ADAMTS12: variants seen among roughly 807,000 people sequenced by gnomAD.
ADAMTS12 encodes the protein ADAM metallopeptidase with thrombospondin type 1 motif 12, also known as A disintegrin and metalloproteinase with thrombospondin motifs 12.
In ADAMTS12, 118 loss-of-function variants were observed where a neutral mutation model predicts 167.8. That is an observed-to-expected ratio of 0.70 (90% CI 0.61 to 0.82). The LOEUF is 0.82. ADAMTS12 is among the 40% of genes least tolerant of loss of function. The pLI is 0.00. For synonymous variants in ADAMTS12, 704 were observed against 716.9 expected (o/e 0.98, Z 0.29); for missense variants, 1,916 against 1,998.8 (o/e 0.96, Z 0.79).
chr5:33,869,277 G>A (rs1749947627), intron 2 of ADAMTS12, among the ~76,000 whole-genome samples: 1 of 152,210 alleles, frequency 6.6e-6, no homozygotes, highest in African/African-American at 2.4e-5. Flanking sequence ...GTAAGCCTCA[G>A]TGGCTTCCAC....
At chr5:33,595,400 T>A (rs1261199775) in intron 17 of ADAMTS12, among the ~76,000 whole-genome samples, 5 of 152,126 alleles carry the variant, frequency 3.3e-5, no homozygotes, top group Non-Finnish European at 5.9e-5. Context: ...AGCATCTAAG[T>A]AAACACAGGC....
At chr5:33,873,081 A>C (rs1234788956) in intron 2 of ADAMTS12, among the ~76,000 whole-genome samples, 1 of 152,104 alleles carries the variant, frequency 6.6e-6, no homozygotes, top group Admixed American at 6.5e-5. Flanking sequence ...TAGTACAATA[A>C]AACAAGAAAA....
intron 22 of ADAMTS12, among the ~76,000 whole-genome samples, chr5:33,537,769 A>G (rs1744488546): frequency 6.6e-6 from 1 of 152,222 alleles, no homozygotes; most frequent in South Asian, 2.1e-4. Flanking sequence ...ATTAGAGTGG[A>G]TCAATGGCTG....
chr5:33,839,188 G>T (rs1314155548), intron 2 of ADAMTS12, among the ~76,000 whole-genome samples: 5 of 152,176 alleles, frequency 3.3e-5, no homozygotes, highest in African/African-American at 1.2e-4. Flanking sequence ...TTTTAGAAAG[G>T]CACTTAACAT....
intron 2 of ADAMTS12, among the ~76,000 whole-genome samples, chr5:33,783,603 G>C (rs1175623158): frequency 6.6e-6 from 1 of 151,868 alleles, no homozygotes; most frequent in Admixed American, 6.6e-5. Flanking sequence ...CTGTAATTCT[G>C]TGCCAACAAA....
intron 2 of ADAMTS12, among the ~76,000 whole-genome samples, chr5:33,831,982 A>T (rs762464628): frequency 2.0e-5 from 3 of 152,208 alleles, no homozygotes; most frequent in Non-Finnish European, 4.4e-5. Flanking sequence ...CAGGATTCAC[A>T]GGGTCCCTGC....
chr5:33,673,843 T>C (rs897269448), intron 5 of ADAMTS12, among the ~76,000 whole-genome samples: 10 of 150,908 alleles, frequency 6.6e-5, no homozygotes, highest in Non-Finnish European at 1.3e-4. Flanking sequence ...TCCCTCTTCC[T>C]AGATTGTCTT....
intron 2 of ADAMTS12, among the ~76,000 whole-genome samples, chr5:33,801,884 G>A (rs902727298): frequency 6.6e-6 from 1 of 152,212 alleles, no homozygotes; most frequent in African/African-American, 2.4e-5. Context: ...AGCTTTCAGT[G>A]GAAGATTGCT....
intron 2 of ADAMTS12, among the ~76,000 whole-genome samples, chr5:33,845,121 A>G (rs902717781): frequency 2.0e-5 from 3 of 152,250 alleles, no homozygotes; most frequent in Non-Finnish European, 4.4e-5. Context: ...TAGAGCTGCA[A>G]GCAGGTATTG....
chr5:33,842,609 AG>A (rs1748785239), intron 2 of ADAMTS12, among the ~76,000 whole-genome samples: 1 of 152,238 alleles, frequency 6.6e-6, no homozygotes, highest in African/African-American at 2.4e-5. Context: ...GTGCTGCATA[AG>A]GAACTATTGA....
chr5:33,676,111 C>T (rs935552073), intron 5 of ADAMTS12, among the ~76,000 whole-genome samples: 16 of 152,218 alleles, frequency 1.1e-4, no homozygotes, highest in African/African-American at 3.4e-4. Flanking sequence ...TTTCCACTTC[C>T]CCTTTTCTAT....
At chr5:33,866,623 G>C (rs905152029) in intron 2 of ADAMTS12, among the ~76,000 whole-genome samples, 1 of 152,100 alleles carries the variant, frequency 6.6e-6, no homozygotes, top group African/African-American at 2.4e-5. Flanking sequence ...AATGGCTTCT[G>C]CATAGCAAAA....
At position 33,707,031 on chromosome 5, in the gene ADAMTS12, A is replaced by G. The variant is rs931728470; in HGVS notation, c.635-22976T>C. 4.6e-5 allele frequency among the ~76,000 whole-genome samples: 7 copies of G among 152,304 alleles called. No individual in the cohort carries two copies. In the South Asian group the frequency reaches 1.5e-3, roughly 32 times the overall value. Reference sequence around the variant, plus strand: ...GTCAAATTGTCTCTGTTTGTGGATGACATGATTGGATATTTAGAAAACCCC... The same window carrying G: ...GTCAAATTGTCTCTGTTTGTGGATGGCATGATTGGATATTTAGAAAACCCC... On this transcript the variant is annotated intron_variant, in intron 3 of 23. Transcript: ENST00000504830.
chr5:33,670,626 C>T (rs1276584750), intron 5 of ADAMTS12, among the ~76,000 whole-genome samples: 1 of 152,136 alleles, frequency 6.6e-6, no homozygotes, highest in African/African-American at 2.4e-5. Context: ...TCTGTAATCC[C>T]AGCTACTCAG....
intron 19 of ADAMTS12, among the ~76,000 whole-genome samples, chr5:33,567,360 T>A (rs1242612724): frequency 6.6e-6 from 1 of 152,226 alleles, no homozygotes; most frequent in Non-Finnish European, 1.5e-5. Context: ...AGCTTCCACT[T>A]CTACCACTTG....
At chr5:33,870,760 TAGTG>T (rs1304153288) in intron 2 of ADAMTS12, among the ~76,000 whole-genome samples, 3 of 152,158 alleles carry the variant, frequency 2.0e-5, no homozygotes, top group Non-Finnish European at 4.4e-5. Context: ...GTTCTTGTGA[TAGTG>T]AGTGAGTTCT....
chr5:33,576,845 C>A lies in ADAMTS12; in HGVS notation c.3181G>T (p.Asp1061Tyr), dbSNP rs1389852075. Reference protein sequence around the residue: ...PSPTTASKEGDLGGKQWQDSS... With the variant: ...PSPTTASKEGYLGGKQWQDSS... The stretch of plus-strand genomic sequence containing the variant: ...TCTTGCCACTGTTTCCCACCCAGGT[C>A]TCCTTCTTTGGAGGCTGTGGTAGGA... Residue 1061 changes from aspartate (D) to tyrosine (Y), a missense_variant, in exon 19 of 24, where the codon GAC (aspartate) becomes TAC (tyrosine). Asp to Tyr is a radical substitution (Grantham distance 160, BLOSUM62 -3). Transcript: ENST00000504830. 4.3e-6 allele frequency: 7 copies of A among 1,614,090 alleles called. No individual in the cohort carries two copies. In the East Asian group the frequency reaches 1.6e-4, roughly 36 times the overall value.
intron 21 of ADAMTS12, 118 bp downstream of exon 21, chr5:33,549,089 C>T (rs1235286981): frequency 4.6e-6 from 6 of 1,299,526 alleles, no homozygotes; most frequent in South Asian, 1.5e-5. Context: ...TGAACAGAGG[C>T]CAGTCATTGG....
chr5:33,889,042 T>C (rs982988823), intron 1 of ADAMTS12, among the ~76,000 whole-genome samples: 3 of 152,182 alleles, frequency 2.0e-5, no homozygotes, highest in Non-Finnish European at 4.4e-5. Flanking sequence ...TGTCTCCAAA[T>C]GTGGAACCCT....
Sources: gnomAD v4.1 joint callset for allele counts (sites outside exome capture counted in the v4.1 genomes callset) on GRCh38, gnomAD v4.1.1 for gene constraint, MANE v1.5 for transcripts, NCBI Gene and HGNC (gene_info 2026-07-23, HGNC 2026-07-21) for gene names.